The following COL14A1 variants were observed in gnomAD, a reference collection of about 807,000 sequenced individuals.
COL14A1 encodes the protein collagen alpha-1(XIV) chain.
A neutral mutation model predicts 230.3 loss-of-function variants in COL14A1; 136 were observed. The ratio of observed to expected loss-of-function variants is 0.59; its 90% CI spans 0.51 to 0.68. The LOEUF (loss-of-function observed/expected upper bound fraction) is 0.68, where lower values mean the gene tolerates loss of function less well. Ranked by LOEUF, COL14A1 falls within the 30% of genes least tolerant of loss-of-function variation. The pLI, the probability that COL14A1 is intolerant of heterozygous loss-of-function variation, is 0.00. For missense variants in COL14A1, 1,976 were observed against 2,215.8 expected (o/e 0.89, Z 2.17); for synonymous variants, 792 against 784.1 (o/e 1.01, Z -0.17).
intron 19 of COL14A1, among the ~76,000 whole-genome samples, chr8:120,240,420 T>C (rs1818577181): frequency 6.6e-6 from 1 of 152,196 alleles, no homozygotes; most frequent in African/African-American, 2.4e-5. Context: ...GGACTGCATG[T>C]AAATTTAGAT....
At chr8:120,316,963 A>C (rs1787366874) in intron 40 of COL14A1, among the ~76,000 whole-genome samples, 1 of 152,190 alleles carries the variant, frequency 6.6e-6, no homozygotes, top group Non-Finnish European at 1.5e-5. Context: ...AATTCATTTA[A>C]ATCATCTATT....
In COL14A1 at chr8:120,206,943, C is replaced by T. The variant is rs1250404667; in HGVS notation, c.1040C>T (p.Ala347Val). 1 of 1,602,354 alleles carries T rather than the reference C, an allele frequency of 6.2e-7. No individual in the cohort carries two copies. Among genetic ancestry groups the T allele is most frequent in the African/African-American group, 1.3e-5 (1 of 74,084 alleles). Reference sequence around the variant, plus strand: ...TATTTGATATGTTTTTTTAATTTAGCCTCAGCCCATGCCATCACTGGGCCG... The same window carrying T: ...TATTTGATATGTTTTTTTAATTTAGTCTCAGCCCATGCCATCACTGGGCCG... ...RVEEQDREIK[A>V]SAHAITGPPT... is the part of the protein sequence containing the mutation. Residue 347 changes from alanine to valine, a missense_variant and splice_region_variant, in exon 10 of 48, where the codon GCC becomes GTC. Around this residue, in one of 3 missense-constraint regions of COL14A1, gnomAD observed 1,791 missense variants for 2,019.5 expected, o/e 0.89. Transcript: ENST00000297848.
At chr8:120,296,245 A>G (rs1057437013) in intron 34 of COL14A1, among the ~76,000 whole-genome samples, 3 of 151,906 alleles carry the variant, frequency 2.0e-5, no homozygotes, top group Admixed American at 6.6e-5. Flanking sequence ...GGGATCATGA[A>G]AATAAGATGC....
intron 23 of COL14A1, among the ~76,000 whole-genome samples, chr8:120,259,045 A>G (rs1177976823): frequency 6.6e-6 from 1 of 152,196 alleles, no homozygotes. Context: ...CTGAGATGTC[A>G]GCTTTGCAGT....
chr8:120,219,002 A>C (rs952967387), intron 14 of COL14A1, among the ~76,000 whole-genome samples: 56 of 151,690 alleles, frequency 3.7e-4, no homozygotes, highest in South Asian at 1.0e-3. Flanking sequence ...TAATAAAACA[A>C]AAAACAAATT....
chr8:120,294,311 T>C (rs948428112), intron 34 of COL14A1, among the ~76,000 whole-genome samples: 7 of 151,774 alleles, frequency 4.6e-5, no homozygotes, highest in Non-Finnish European at 8.9e-5. Context: ...GTGACTTGCC[T>C]TTTGTGCTAT....
chr8:120,257,828 T>G (rs962146519), intron 23 of COL14A1, among the ~76,000 whole-genome samples: 1 of 152,200 alleles, frequency 6.6e-6, no homozygotes, highest in Admixed American at 6.5e-5. Context: ...CGTCAAATCC[T>G]TACAGTTTGA....
intron 4 of COL14A1, among the ~76,000 whole-genome samples, chr8:120,166,080 G>A (rs145844523): frequency 0.016 from 2,387 of 152,266 alleles, 66 homozygotes; most frequent in African/African-American, 0.054. Flanking sequence ...GCTGTGTGCA[G>A]CTCTCCCATA....
chr8:120,128,228 C>CACGTGT (rs1814412914), intron 1 of COL14A1, among the ~76,000 whole-genome samples: 1 of 146,684 alleles, frequency 6.8e-6, no homozygotes, highest in South Asian at 2.2e-4. Context: ...TGTGCGCGCG[C>CACGTGT]GTGTGTGTGT....
chr8:120,278,368 C>T, intron 27 of COL14A1, 67 bp from the exon 28 acceptor site: 1 of 1,562,400 alleles, frequency 6.4e-7, no homozygotes, highest in Non-Finnish European at 8.7e-7. Context: ...TTGTTCCCAC[C>T]CTTTCTTCTC....
At position 120,203,698 on chromosome 8, in the gene COL14A1, C is replaced by G. The variant is rs1005311270; in HGVS notation, c.878-11C>G. On this transcript the variant is annotated splice_polypyrimidine_tract_variant and intron_variant, in intron 8 of 47. Coordinates refer to ENST00000297848, the MANE Select transcript of COL14A1 (RefSeq NM_021110.4). ...AAAAGTCACCATTCTCTTTTTTGTC[C>G]TCTGTGTAAGGGGTGAAAAACGCGG... 2.5e-6 allele frequency: 4 copies of G among 1,611,642 alleles called. No homozygotes were observed. The highest frequency in any genetic ancestry group is 3.4e-5 in the Admixed American group (2 of 59,636).
intron 19 of COL14A1, among the ~76,000 whole-genome samples, chr8:120,243,430 GAA>G (rs1044891011): frequency 5.2e-4 from 79 of 152,334 alleles, no homozygotes; most frequent in African/African-American, 1.8e-3. Flanking sequence ...ACTGAAAGAA[GAA>G]AATGCTGGGG....
At chr8:120,367,688 C>T (rs149907053) in intron 46 of COL14A1, among the ~76,000 whole-genome samples, 38 of 151,362 alleles carry the variant, frequency 2.5e-4, no homozygotes, top group Middle Eastern at 3.4e-3. Context: ...GTAAGCCCAG[C>T]GTTTTGGGAA....
chr8:120,165,374 A>G (rs1815831607), intron 4 of COL14A1, among the ~76,000 whole-genome samples: 1 of 152,226 alleles, frequency 6.6e-6, no homozygotes, highest in East Asian at 1.9e-4. Flanking sequence ...AACATAAGAA[A>G]TGATGTTTGA....
rs1815544534 is a variant in COL14A1 at position 120,158,177 on chromosome 8, A to G, written c.136A>G (p.Ile46Val). ...LRYNVISHDS[I>V]QISWKAPRGK... ...ATATAATGTAATATCTCATGACAGTATACAGATTTCATGGAAGGCTCCAAG... is the reference window on the plus strand; with the variant it reads ...ATATAATGTAATATCTCATGACAGTGTACAGATTTCATGGAAGGCTCCAAG... The change falls in exon 3 of 48, where the codon ATA becomes GTA. Residue 46 changes from isoleucine (I) to valine (V), a missense_variant. Physicochemically the swap from Ile to Val is conservative, Grantham distance 29 (BLOSUM62 3). Coordinates refer to ENST00000297848, the MANE Select transcript of COL14A1 (RefSeq NM_021110.4). The G allele has an allele frequency of 8.7e-6, 14 of 1,610,806 alleles. No homozygotes were observed. The highest frequency in any genetic ancestry group is 1.2e-5 in the Non-Finnish European group (14 of 1,177,970).
rs757986957 is a variant in COL14A1, at chr8:120,227,314, G to A, written c.2099G>A (p.Gly700Glu). The A allele has an allele frequency of 5.3e-5, 86 of 1,613,916 alleles. No homozygotes were observed. The highest frequency in any genetic ancestry group is 7.1e-5 in the Non-Finnish European group (84 of 1,180,012). Reference protein sequence around the residue: ...EVSLLAVLDDGSESEVVTAVG... With the variant: ...EVSLLAVLDDESESEVVTAVG... ...TCACTATTGGCCGTACTTGATGATG[G>A]AAGCGAGAGTGAGGTGGTGACTGCT... The change falls in exon 17 of 48, where the codon GGA becomes GAA. Residue 700 changes from glycine (G) to glutamate (E), a missense_variant. Gly to Glu is a moderately conservative substitution (Grantham distance 98, BLOSUM62 -2). This residue lies in a region of COL14A1 where 1,791 missense variants were observed against 2,019.5 expected (regional missense o/e 0.89). Transcript: ENST00000297848.
In COL14A1 at chr8:120,217,463, T is replaced by A. The variant is rs115165973; in HGVS notation, c.1737+973T>A. Among the ~76,000 whole-genome samples, 1,117 of 152,294 alleles carry A rather than the reference T, an allele frequency of 7.3e-3. 10 individuals are homozygous for A. Among genetic ancestry groups the A allele is most frequent in the African/African-American group, 0.025 (1,026 of 41,576 alleles). On this transcript the variant is annotated intron_variant, in intron 14 of 47. Transcript: ENST00000297848. ...AGGCAAAGAAGGAAATATGTTAGATTGCATCATTTCTATTTTCTGACCAAA... is the reference window on the plus strand; with the variant it reads ...AGGCAAAGAAGGAAATATGTTAGATAGCATCATTTCTATTTTCTGACCAAA...
At chr8:120,186,740 G>A (rs532120906) in intron 5 of COL14A1, among the ~76,000 whole-genome samples, 2 of 152,272 alleles carry the variant, frequency 1.3e-5, no homozygotes, top group African/African-American at 4.8e-5. Flanking sequence ...GTGCCCTGCT[G>A]GAAGTGTGAA....
At chr8:120,203,422 A>G (rs541085932) in intron 8 of COL14A1, among the ~76,000 whole-genome samples, 1 of 151,904 alleles carries the variant, frequency 6.6e-6, no homozygotes, top group Non-Finnish European at 1.5e-5. Flanking sequence ...GCAATGGTAC[A>G]TATGCTCGCT....
Sources: allele counts gnomAD v4.1 joint callset (sites outside exome capture counted in the v4.1 genomes callset), GRCh38; gene constraint gnomAD v4.1.1; regional missense constraint gnomAD v4.1.1; transcripts MANE v1.5; gene names NCBI Gene and HGNC (gene_info 2026-07-23, HGNC 2026-07-21).